Variants in ZNF724 observed in about 807,000 individuals in gnomAD.
ZNF724 encodes zinc finger protein 724 pseudogene.
In ZNF724, 14 loss-of-function variants were observed where a neutral mutation model predicts 29.3. That is an observed-to-expected ratio of 0.48 (90% CI 0.32 to 0.75). The LOEUF is 0.75. ZNF724 is among the 30% of genes least tolerant of loss of function. ZNF724 has a pLI of 0.04. For synonymous variants in ZNF724, 180 were observed against 193.6 expected (o/e 0.93, Z 0.58); for missense variants, 557 against 571.2 (o/e 0.98, Z 0.25).
chr19:23,225,170 C>T (rs1040030236), intron 3 of ZNF724, among the ~76,000 whole-genome samples: 2 of 152,096 alleles, frequency 1.3e-5, no homozygotes, highest in Non-Finnish European at 2.9e-5. Context: ...CAACACAGGA[C>T]CTAGAAGAGA....
chr19:23,236,860 A>AT lies in ZNF724; in HGVS notation c.4-4568dup, dbSNP rs200516097. On this transcript the variant is annotated intron_variant, in intron 1 of 3. Transcript: ENST00000418100. ...TTTCCAACAGCTCCTTTTTATTTTT[A>AT]TTTTTTTTTTGAGACAGAGTCTTGC... 1.7e-3 allele frequency: 253 copies of AT among 149,008 alleles called. 1 individual carries two copies. Among genetic ancestry groups the AT allele is most frequent in the African/African-American group, 5.1e-3 (209 of 40,724 alleles). 9.2% of individuals were successfully genotyped at this position (149,008 alleles called of 1,614,324 possible).
Position 23,223,611 on chromosome 19 carries a change from T to C in ZNF724, c.634A>G (p.Thr212Ala), listed in dbSNP as rs555045434. 2 of 715,442 alleles carry C rather than the reference T, an allele frequency of 2.8e-6. No individual in the cohort carries two copies. The highest frequency in any genetic ancestry group is 1.7e-5 in the African/African-American group (1 of 57,362). The allele number at this position is 715,442 out of a possible 1,614,324, so 44.3% of individuals were successfully genotyped here. Residue 212 changes from threonine to alanine, a missense_variant, in exon 4 of 4, where the codon ACC (threonine) becomes GCC (alanine). This residue lies in a region of ZNF724 where 362 missense variants were observed against 295.5 expected (regional missense o/e 1.22). Transcript: ENST00000418100. ...TGAATTCTCTTATGTTGAGAAAGGG[T>C]TGAGGACACATTAAAGGCCTTGCCA... The part of the protein sequence containing the change: ...ECGKAFNVSS[T>A]LSQHKRIHTG...
intron 1 of ZNF724, among the ~76,000 whole-genome samples, chr19:23,242,284 A>T (rs73561348): frequency 0.014 from 2,081 of 152,304 alleles, 60 homozygotes; most frequent in African/African-American, 0.047. Context: ...AATATCATTA[A>T]AATGGCCATA....
At chr19:23,249,950 C>G (rs1464133317) in intron 1 of ZNF724, among the ~76,000 whole-genome samples, 1 of 152,216 alleles carries the variant, frequency 6.6e-6, no homozygotes, top group East Asian at 1.9e-4. Flanking sequence ...CTCCCTTGGT[C>G]CCTGCACAAT....
intron 3 of ZNF724, among the ~76,000 whole-genome samples, chr19:23,230,645 C>T (rs1971920003): frequency 6.6e-6 from 1 of 151,892 alleles, no homozygotes; most frequent in Admixed American, 6.6e-5. Flanking sequence ...TATGTGTCCA[C>T]CAAAACATTA....
Position 23,244,211 on chromosome 19 carries a change from TG to T in ZNF724, c.3+6028del, listed in dbSNP as rs1454510533. On this transcript the variant is annotated intron_variant, in intron 1 of 3. Transcript: ENST00000418100. The stretch of plus-strand genomic sequence containing the variant: ...GAACAAGTGGCCCAGAACCCTAAGT[TG>T]GTGGGGAGAACAGGTTGCTGCTGCA... Among the ~76,000 whole-genome samples, 6 of 152,078 alleles carry T rather than the reference TG, an allele frequency of 3.9e-5. No individual in the cohort carries two copies. In the East Asian group the frequency reaches 1.2e-3, roughly 29 times the overall value.
chr19:23,225,873 C>G (rs745994191), intron 3 of ZNF724, among the ~76,000 whole-genome samples: 1 of 151,846 alleles, frequency 6.6e-6, no homozygotes, highest in African/African-American at 2.4e-5. Context: ...TTTTGCATAA[C>G]CAGGTGAATA....
intron 1 of ZNF724, among the ~76,000 whole-genome samples, chr19:23,235,769 A>C (rs1420296556): frequency 1.3e-5 from 2 of 152,310 alleles, no homozygotes; most frequent in Admixed American, 1.3e-4. Flanking sequence ...TGTTCATATC[A>C]CCTCTAGTAA....
intron 3 of ZNF724, among the ~76,000 whole-genome samples, chr19:23,228,002 C>CA (rs1433690408): frequency 6.6e-5 from 10 of 152,170 alleles, no homozygotes; most frequent in African/African-American, 2.2e-4. Flanking sequence ...GAATTCCTGA[C>CA]AAAAATGCCT....
At chr19:23,230,531 C>CA (rs888230965) in intron 3 of ZNF724, among the ~76,000 whole-genome samples, 6 of 151,626 alleles carry the variant, frequency 4.0e-5, no homozygotes, top group East Asian at 1.9e-4. Context: ...AAAAAATGAA[C>CA]AAAAAAAATG....
At position 23,243,475 on chromosome 19, in the gene ZNF724, C is replaced by CAAAAAAA. The variant is rs61241201; in HGVS notation, c.3+6758_3+6764dup. Among the ~76,000 whole-genome samples the CAAAAAAA allele has an allele frequency of 1.3e-3, 40 of 31,202 alleles. 1 individual carries two copies. Among genetic ancestry groups the CAAAAAAA allele is most frequent in the Non-Finnish European group, 1.5e-3 (28 of 18,124 alleles). 20.5% of individuals were successfully genotyped at this position (31,202 alleles called of 152,430 possible). ...TGAGTGACAGAGCGAGAGTCCATCT[C>CAAAAAAA]AAAAAAAAAAAAAAAAAAAAAAAAA... On this transcript the variant is annotated intron_variant, in intron 1 of 3. Coordinates refer to ENST00000418100, the MANE Select transcript of ZNF724 (RefSeq NM_001355404.2).
intron 1 of ZNF724, among the ~76,000 whole-genome samples, chr19:23,234,807 T>C (rs1287812817): frequency 6.6e-6 from 1 of 152,200 alleles, no homozygotes; most frequent in African/African-American, 2.4e-5. Context: ...ACCTTCCCTA[T>C]GTATTTTGAT....
intron 2 of ZNF724, 134 bp downstream of exon 2, chr19:23,232,033 G>T: frequency 1.2e-6 from 1 of 842,840 alleles, no homozygotes; most frequent in Non-Finnish European, 1.9e-6. Flanking sequence ...CACCACGCTT[G>T]GCCCCCAAGA....
intron 3 of ZNF724, among the ~76,000 whole-genome samples, chr19:23,228,590 A>C (rs999311124): frequency 5.3e-5 from 8 of 152,022 alleles, no homozygotes; most frequent in Admixed American, 5.2e-4. Context: ...CCCTGTCTCT[A>C]CTAAAAATAC....
chr19:23,246,428 G>A (rs372596332), intron 1 of ZNF724, among the ~76,000 whole-genome samples: 3 of 152,040 alleles, frequency 2.0e-5, no homozygotes, highest in Non-Finnish European at 4.4e-5. Flanking sequence ...AGGCCGAGGC[G>A]GGCAGATCAC....
Position 23,232,270 on chromosome 19 carries a change from C to G in ZNF724, c.27G>C (p.Val9=), listed in dbSNP as rs73559561. ...ACTCCTCCACAGAGAATTCTATGGCCACATCCATAAATGTCAATGGTCCCT... is the reference window on the plus strand; with the variant it reads ...ACTCCTCCACAGAGAATTCTATGGCGACATCCATAAATGTCAATGGTCCCT... MGPLTFMD[V]AIEFSVEEWQ... The change falls in exon 2 of 4, where the codon GTG becomes GTC. Residue 9 remains valine (V), a synonymous_variant. Transcript: ENST00000418100. 3,784 of 1,258,174 alleles carry G rather than the reference C, an allele frequency of 3.0e-3. 111 individuals carry two copies. The African/African-American group carries it at 0.049, about 16-fold the overall frequency. The allele number at this position is 1,258,174 out of a possible 1,614,324, so 77.9% of individuals were successfully genotyped here.
rs369811653 is a variant in ZNF724, at chr19:23,246,374, C to T, written c.3+3866G>A. On this transcript the variant is annotated intron_variant, in intron 1 of 3. Coordinates refer to ENST00000418100, the MANE Select transcript of ZNF724 (RefSeq NM_001355404.2). ...AGTTTTGTCTTATAAAATTTAGCAT[C>T]GGCCGGGCGCAGTGGATCACACCTG... is the stretch of plus-strand genomic sequence containing the variant. 5.3e-5 allele frequency among the ~76,000 whole-genome samples: 8 copies of T among 152,156 alleles called. No homozygotes were observed. In the East Asian group the frequency reaches 1.2e-3, roughly 22 times the overall value.
chr19:23,227,754 TG>T (rs759828654), intron 3 of ZNF724, among the ~76,000 whole-genome samples: 12 of 152,068 alleles, frequency 7.9e-5, no homozygotes, highest in Non-Finnish European at 1.2e-4. Flanking sequence ...AGCAAACAAA[TG>T]TATAAGTAAC....
At chr19:23,238,383 T>C (rs1175712734) in intron 1 of ZNF724, among the ~76,000 whole-genome samples, 2 of 110,198 alleles carry the variant, frequency 1.8e-5, no homozygotes, top group Non-Finnish European at 4.1e-5. Context: ...AAAAAAACCT[T>C]TGCCAAAGCA....
Sources: gnomAD v4.1 joint callset for allele counts (sites outside exome capture counted in the v4.1 genomes callset) on GRCh38, gnomAD v4.1.1 for gene constraint, gnomAD v4.1.1 regional missense constraint, MANE v1.5 for transcripts, NCBI Gene and HGNC (gene_info 2026-07-23, HGNC 2026-07-21) for gene names.